Variants in MUC5AC observed in about 807,000 individuals in gnomAD.
MUC5AC encodes the protein mucin 5AC, oligomeric mucus/gel-forming.
A neutral mutation model predicts 169.7 loss-of-function variants in MUC5AC; 158 were observed. The ratio of observed to expected loss-of-function variants is 0.93; its 90% CI spans 0.82 to 1.06. The LOEUF (loss-of-function observed/expected upper bound fraction) is 1.06, where lower values mean the gene tolerates loss of function less well. MUC5AC is among the 50% of genes least tolerant of loss of function. MUC5AC has a pLI of 0.00. For missense variants in MUC5AC, 4,359 were observed against 3,089.9 expected, an observed-to-expected ratio of 1.41 and a Z score of -9.74; for synonymous variants, 1,975 against 1,237.0, an observed-to-expected ratio of 1.60 and a Z score of -12.52.
chr11:1,179,786 G>T (rs1163223641), intron 26 of MUC5AC, among the ~76,000 whole-genome samples: 1 of 152,188 alleles, frequency 6.6e-6, no homozygotes, highest in Non-Finnish European at 1.5e-5. Context: ...CCCACACGGA[G>T]CCTTGCCGGG....
rs755428145 is a variant in MUC5AC at position 1,194,550 on chromosome 11, A to G, written c.15070A>G (p.Ile5024Val). ...GAAAAACGGCATCGTGGTCTCGCGC[A>G]TCGGCGTCAAGATGTACGCGACCAT... ...FRKNGIVVSR[I>V]GVKMYATIPE... The change falls in exon 35 of 49, where the codon ATC (isoleucine) becomes GTC (valine). Residue 5024 changes from isoleucine (I) to valine (V), a missense_variant. By Grantham distance (29) the Ile-to-Val change is conservative. Transcript: ENST00000621226. 1.3e-6 allele frequency: 1 copy of G among 764,016 alleles called. No homozygotes were observed. Among genetic ancestry groups the G allele is most frequent in the African/African-American group, 1.7e-5 (1 of 59,126 alleles). The allele number at this position is 764,016 out of a possible 1,614,324, so 47.3% of individuals were successfully genotyped here.
Position 1,189,522 on chromosome 11 carries a change from T to A in MUC5AC, c.11377T>A (p.Ser3793Thr). Residue 3793 changes from serine (S) to threonine (T), a missense_variant, in exon 31 of 49, where the codon TCT (serine) becomes ACT (threonine). By Grantham distance (58) the Ser-to-Thr change is moderately conservative. Transcript: ENST00000621226. ...TTSAPITSTI[S>T]APTTSTTSTP... ...CTCTGCTCCCATAACCAGCACAATC[T>A]CTGCCCCTACAACCAGCACAACCTC... The A allele has an allele frequency of 1.7e-6, 1 of 596,894 alleles. No individual in the cohort carries two copies. The highest frequency in any genetic ancestry group is 2.7e-5 in the East Asian group (1 of 36,460). 37.0% of individuals were successfully genotyped at this position (596,894 alleles called of 1,614,324 possible).
rs1467570792 is a variant in MUC5AC at position 1,191,118 on chromosome 11, C to T, written c.12973C>T (p.Pro4325Ser). ...SGPGTTPSPV[P>S]TTSTTSAPIT... ...TCCTGGAACTACTCCCAGCCCTGTT[C>T]CCACCACCAGCACAACCTCTGCTCC... is the stretch of plus-strand genomic sequence containing the variant. Residue 4325 changes from proline to serine, a missense_variant, in exon 31 of 49, where the codon CCC becomes TCC. Physicochemically the swap from Pro to Ser is moderately conservative, Grantham distance 74. Coordinates refer to ENST00000621226, the MANE Select transcript of MUC5AC (RefSeq NM_001304359.2). 1.1e-5 allele frequency: 8 copies of T among 698,808 alleles called. No homozygotes were observed. The highest frequency in any genetic ancestry group is 2.1e-5 in the Non-Finnish European group (8 of 378,572). The allele number at this position is 698,808 out of a possible 1,614,324, so 43.3% of individuals were successfully genotyped here.
chr11:1,197,333 T>C, intron 40 of MUC5AC, 135 bp from the exon 41 acceptor site: 1 of 623,870 alleles, frequency 1.6e-6, no homozygotes, highest in Non-Finnish European at 2.9e-6. Context: ...TTTGAAGCCC[T>C]ACTCCTGCTG....
At chr11:1,175,533 ACACACACC>A (rs1860649904) in intron 19 of MUC5AC, among the ~76,000 whole-genome samples, 58 of 148,824 alleles carry the variant, frequency 3.9e-4, no homozygotes, top group Admixed American at 3.1e-3. Flanking sequence ...CCACTCATGC[ACACACACC>A]CATTCATGCA....
chr11:1,170,371 ACGCGC>A (rs1860468174), intron 15 of MUC5AC, among the ~76,000 whole-genome samples: 1 of 127,720 alleles, frequency 7.8e-6, no homozygotes, highest in Non-Finnish European at 1.6e-5. Flanking sequence ...CACCTCACTC[ACGCGC>A]CCACTCACCC....
Position 1,199,376 on chromosome 11 carries a change from C to A in MUC5AC, c.16401C>A (p.Gly5467=). ...GGGGCCTGGCCTCCCTCCAGCCCGG[C>A]GAGACCTGGTCAGACGCAGGGAACC... The part of the protein sequence containing the change: ...SKSPAHLFYP[G]ETWSDAGNHC... The change falls in exon 46 of 49, where the codon GGC becomes GGA. Residue 5467 remains glycine (G), a synonymous_variant. Coordinates refer to ENST00000621226, the MANE Select transcript of MUC5AC (RefSeq NM_001304359.2). 1 of 715,922 alleles carries A rather than the reference C, an allele frequency of 1.4e-6. No individual in the cohort carries two copies. The highest frequency in any genetic ancestry group is 1.5e-5 in the South Asian group (1 of 68,404). 44.3% of individuals were successfully genotyped at this position (715,922 alleles called of 1,614,324 possible).
chr11:1,167,678 C>T (rs1176090059), intron 11 of MUC5AC, among the ~76,000 whole-genome samples, 199 bp from the exon 12 acceptor site: 3 of 152,190 alleles, frequency 2.0e-5, no homozygotes, highest in Non-Finnish European at 2.9e-5. Context: ...GTGTGGCCTC[C>T]TCAGGGTGCA....
In MUC5AC at chr11:1,199,954, G is replaced by C. The variant is rs770477796; in HGVS notation, c.16685G>C (p.Gly5562Ala). Reference sequence around the variant, plus strand: ...CTGGCTTACTGCCGGGGGAACTGTGGGGACAGCTCTTCCATGTACGTGCCT... The same window carrying C: ...CTGGCTTACTGCCGGGGGAACTGTGCGGACAGCTCTTCCATGTACGTGCCT... ...VRLAYCRGNC[G>A]DSSSMYSLEG... The change falls in exon 48 of 49, where the codon GGG (glycine) becomes GCG (alanine). Residue 5562 changes from glycine to alanine, a missense_variant. By Grantham distance (60) the Gly-to-Ala change is moderately conservative (BLOSUM62 0). Transcript: ENST00000621226. 6 of 763,142 alleles carry C rather than the reference G, an allele frequency of 7.9e-6. No homozygotes were observed. The highest frequency in any genetic ancestry group is 2.3e-4 in the Middle Eastern group (1 of 4,438). 47.3% of individuals were successfully genotyped at this position (763,142 alleles called of 1,614,324 possible).
chr11:1,179,289 G>A (rs1860756532), intron 26 of MUC5AC, 41 bp downstream of exon 26: 4 of 514,258 alleles, frequency 7.8e-6, no homozygotes, highest in East Asian at 3.1e-5. Context: ...AGGAAGCGCC[G>A]GCAGCGTGTG....
intron 15 of MUC5AC, among the ~76,000 whole-genome samples, chr11:1,171,757 TCAAC>T (rs1860550321): frequency 2.5e-5 from 2 of 80,058 alleles, no homozygotes; most frequent in African/African-American, 1.0e-4. Flanking sequence ...ACTCACCCAC[TCAAC>T]ACTCACTCAC....
At chr11:1,174,695 C>G (rs1202868144) in intron 17 of MUC5AC, 73 bp downstream of exon 17, 1 of 633,200 alleles carries the variant, frequency 1.6e-6, no homozygotes, top group African/African-American at 1.9e-5. Context: ...CCAGTGTGCA[C>G]AGGTTGCTCT....
chr11:1,189,851 C>G lies in MUC5AC; in HGVS notation c.11706C>G (p.Ser3902Arg). ...TSSTSSTPQT[S>R]KTSAATSSTT... ...GCACAAGCTCCACTCCACAGACCAGCAAAACCTCAGCTGCTACAAGCAGCA... is the reference window on the plus strand; with the variant it reads ...GCACAAGCTCCACTCCACAGACCAGGAAAACCTCAGCTGCTACAAGCAGCA... The change falls in exon 31 of 49, where the codon AGC (serine) becomes AGG (arginine). Residue 3902 changes from serine (S) to arginine (R), a missense_variant. By Grantham distance (110) the Ser-to-Arg change is moderately radical. Coordinates refer to ENST00000621226, the MANE Select transcript of MUC5AC (RefSeq NM_001304359.2). 1.3e-6 allele frequency: 1 copy of G among 761,698 alleles called. No homozygotes were observed. The highest frequency in any genetic ancestry group is 2.4e-6 in the Non-Finnish European group (1 of 416,074). The allele number at this position is 761,698 out of a possible 1,614,324, so 47.2% of individuals were successfully genotyped here.
rs568007216 is a variant in MUC5AC, at chr11:1,200,356, G to A, written c.16701-82G>A. 91 of 617,512 alleles carry A rather than the reference G, an allele frequency of 1.5e-4. 2 individuals carry two copies. Among genetic ancestry groups the A allele is most frequent in the East Asian group, 4.4e-4 (16 of 36,372 alleles). The allele number at this position is 617,512 out of a possible 1,614,324, so 38.3% of individuals were successfully genotyped here. A position where few individuals can be genotyped will look rare whatever the true frequency, so the allele number is the denominator to read the frequency against. Reference sequence around the variant, plus strand: ...CAGGAGCAGGGAACACGATGAGGCCGCCCAGAGCTCGGCACGGCGCCGGCT... The same window carrying A: ...CAGGAGCAGGGAACACGATGAGGCCACCCAGAGCTCGGCACGGCGCCGGCT... On this transcript the variant is annotated intron_variant, in intron 48 of 48. Transcript: ENST00000621226.
chr11:1,200,667 T>C lies in MUC5AC; in HGVS notation c.16930T>C (p.Trp5644Arg). Residue 5644 changes from tryptophan (W) to arginine (R), a missense_variant, in exon 49 of 49, where the codon TGG becomes CGG. By Grantham distance (101) the Trp-to-Arg change is moderately radical. Coordinates refer to ENST00000621226, the MANE Select transcript of MUC5AC (RefSeq NM_001304359.2). Reference protein sequence around the residue: ...EPSQEAESGSWERGVPVSPMH With the variant: ...EPSQEAESGSRERGVPVSPMH ...CAGCCAGGAGGCAGAGAGTGGGAGC[T>C]GGGAGAGAGGCGTCCCAGTGTCCCC... The C allele has an allele frequency of 1.3e-6, 1 of 762,250 alleles. No homozygotes were observed. Among genetic ancestry groups the C allele is most frequent in the Non-Finnish European group, 2.4e-6 (1 of 415,978 alleles). 47.2% of individuals were successfully genotyped at this position (762,250 alleles called of 1,614,324 possible).
At chr11:1,182,099 G>C (rs1860827789) in intron 30 of MUC5AC, 56 bp from the exon 31 acceptor site, 1 of 246,352 alleles carries the variant, frequency 4.1e-6, no homozygotes, top group Non-Finnish European at 6.3e-6. Flanking sequence ...AGGGAGGGGC[G>C]GGCGGCCCCC....
chr11:1,193,829 C>G (rs1206291136), intron 33 of MUC5AC, among the ~76,000 whole-genome samples, 170 bp downstream of exon 33: 3 of 152,246 alleles, frequency 2.0e-5, no homozygotes, highest in African/African-American at 4.8e-5. Context: ...CGAGCCTCCC[C>G]GCTTAGGGGT....
intron 15 of MUC5AC, among the ~76,000 whole-genome samples, chr11:1,170,214 T>C (rs1346153971): frequency 6.5e-4 from 11 of 16,892 alleles, no homozygotes; most frequent in Admixed American, 1.1e-3. Flanking sequence ...CACTCACCCA[T>C]TCACCCATTC....
rs1428642763 is a variant in MUC5AC at position 1,191,519 on chromosome 11, C to T, written c.13374C>T (p.Ile4458=). ...STTSASTTST[I]SLPTTSTTSA... The stretch of plus-strand genomic sequence containing the variant: ...CCTCTGCTTCTACAACCAGCACAAT[C>T]TCTCTCCCTACAACCAGCACAACCT... The change falls in exon 31 of 49, where the codon ATC becomes ATT. Residue 4458 remains isoleucine (I), a synonymous_variant. Transcript: ENST00000621226. The T allele has an allele frequency of 6.2e-6, 4 of 645,658 alleles. No individual in the cohort carries two copies. The highest frequency in any genetic ancestry group is 1.8e-5 in the African/African-American group (1 of 54,816). The allele number at this position is 645,658 out of a possible 1,614,324, so 40.0% of individuals were successfully genotyped here. A position where few individuals can be genotyped will look rare whatever the true frequency, so the allele number is the denominator to read the frequency against.
Sources: gnomAD v4.1 joint callset for allele counts (sites outside exome capture counted in the v4.1 genomes callset) on GRCh38, gnomAD v4.1.1 for gene constraint, MANE v1.5 for transcripts, NCBI Gene and HGNC (gene_info 2026-07-23, HGNC 2026-07-21) for gene names.